FAM117A: variants seen among roughly 807,000 people sequenced by gnomAD.
The protein encoded by FAM117A is protein FAM117A.
Under a neutral mutation model 44.1 loss-of-function variants are expected in FAM117A, and 21 were observed. The observed-to-expected ratio is 0.48, with a 90% CI of 0.34 to 0.69. The LOEUF (loss-of-function observed/expected upper bound fraction) is 0.69, where lower values mean the gene tolerates loss of function less well. Among genes scored for constraint, FAM117A ranks in the 30% least tolerant of loss-of-function variants. FAM117A has a pLI of 0.01. For synonymous variants in FAM117A, 220 were observed against 238.3 expected, an observed-to-expected ratio of 0.92 and a Z score of 0.71; for missense variants, 498 against 589.9, an observed-to-expected ratio of 0.84 and a Z score of 1.61.
rs1485766220 is a variant in FAM117A, at chr17:49,772,198, T to C, written c.-621+16299A>G. 4.7e-5 allele frequency among the ~76,000 whole-genome samples: 7 copies of C among 149,578 alleles called. No homozygotes were observed. The South Asian group carries it at 1.3e-3, about 27-fold the overall frequency. ...GTCCCAGTTATTTGGGAGGCTGAGG[T>C]GGGAGGATTGCTTAACCCAGGAGAT... is the stretch of plus-strand genomic sequence containing the variant. On this transcript the variant is annotated intron_variant, in intron 1 of 7. Transcript: ENST00000513602.
chr17:49,763,836 GC>G, intron 1 of FAM117A, 55 bp downstream of exon 1: 4 of 215,806 alleles, frequency 1.9e-5, no homozygotes, highest in Non-Finnish European at 2.6e-5. Flanking sequence ...CCGCGGTCAC[GC>G]GCCCCCCCTC....
chr17:49,739,004 G>C (rs1364817700), intron 1 of FAM117A, among the ~76,000 whole-genome samples: 1 of 151,444 alleles, frequency 6.6e-6, no homozygotes, highest in Non-Finnish European at 1.5e-5. Context: ...CCCTTGAAGG[G>C]GCTGCAGGCT....
At chr17:49,766,692 G>A (rs1047923529), upstream of FAM117A, among the ~76,000 whole-genome samples, 4 of 152,228 alleles carry the variant, frequency 2.6e-5, no homozygotes, top group African/African-American at 9.6e-5. Flanking sequence ...TTTATTGGCT[G>A]AGCCAGACAA....
intron 3 of FAM117A, among the ~76,000 whole-genome samples, chr17:49,722,153 G>A (rs1311196540): frequency 6.6e-6 from 1 of 152,092 alleles, no homozygotes; most frequent in Non-Finnish European, 1.5e-5. Context: ...ATGAGGCTGG[G>A]AGCTCCTAAT....
At chr17:49,719,950 T>G (rs2073525740) in intron 4 of FAM117A, 56 bp from the exon 5 acceptor site, 1 of 1,558,154 alleles carries the variant, frequency 6.4e-7, no homozygotes, top group Non-Finnish European at 8.6e-7. Flanking sequence ...CTAGACAGTC[T>G]TTCATTCTGA....
chr17:49,733,703 A>C (rs1365790571), intron 1 of FAM117A, among the ~76,000 whole-genome samples: 2 of 152,048 alleles, frequency 1.3e-5, no homozygotes, highest in African/African-American at 2.4e-5. Context: ...AAATCCATTC[A>C]TTTATTTTTA....
intron 1 of FAM117A, among the ~76,000 whole-genome samples, chr17:49,783,350 G>T (rs764190935): frequency 3.8e-4 from 58 of 152,328 alleles, no homozygotes; most frequent in African/African-American, 1.3e-3. Flanking sequence ...TGGAGGAAGG[G>T]GGGGAGATGA....
chr17:49,748,628 T>A (rs1039077362), intron 1 of FAM117A, among the ~76,000 whole-genome samples: 9 of 151,986 alleles, frequency 5.9e-5, no homozygotes, highest in African/African-American at 2.2e-4. Context: ...TGAAAAAAAA[T>A]ATTTTGATGA....
At chr17:49,770,412 A>G (rs1385372630) in intron 1 of FAM117A, among the ~76,000 whole-genome samples, 1 of 152,196 alleles carries the variant, frequency 6.6e-6, no homozygotes, top group East Asian at 1.9e-4. Flanking sequence ...AGAACTACAT[A>G]TTATATGATT....
At chr17:49,727,923 C>T (rs185185012) in intron 2 of FAM117A, among the ~76,000 whole-genome samples, 19 of 152,328 alleles carry the variant, frequency 1.2e-4, no homozygotes, top group Non-Finnish European at 2.2e-4. Flanking sequence ...CTGGTGTGGA[C>T]CGTCAGGACC....
chr17:49,768,719 G>T (rs1038941081), upstream of FAM117A, among the ~76,000 whole-genome samples: 2 of 152,174 alleles, frequency 1.3e-5, no homozygotes, highest in African/African-American at 4.8e-5. Context: ...TATGGGAACA[G>T]AGTAGGGAGG....
chr17:49,757,824 A>G (rs2073704894), intron 1 of FAM117A, among the ~76,000 whole-genome samples: 1 of 152,164 alleles, frequency 6.6e-6, no homozygotes, highest in Non-Finnish European at 1.5e-5. Context: ...AAGGGGGGAA[A>G]CTGACCAGAT....
chr17:49,725,609 A>C (rs1159695564), intron 2 of FAM117A, among the ~76,000 whole-genome samples: 1 of 152,206 alleles, frequency 6.6e-6, no homozygotes, highest in Non-Finnish European at 1.5e-5. Context: ...ATCCAGACAG[A>C]GGGAACAGCC....
chr17:49,779,011 G>T (rs1355575502), intron 1 of FAM117A, among the ~76,000 whole-genome samples: 1 of 152,198 alleles, frequency 6.6e-6, no homozygotes, highest in African/African-American at 2.4e-5. Context: ...AGGCAAAGAA[G>T]AATATGGGGG....
chr17:49,722,645 G>T, intron 2 of FAM117A, 51 bp from the exon 3 acceptor site: 2 of 1,473,924 alleles, frequency 1.4e-6, no homozygotes, highest in South Asian at 1.2e-5. Context: ...GGCAGGCACT[G>T]GGGAACAGGC....
chr17:49,770,162 C>G (rs2073756660), intron 1 of FAM117A, among the ~76,000 whole-genome samples: 1 of 149,866 alleles, frequency 6.7e-6, no homozygotes, highest in South Asian at 2.1e-4. Context: ...CCCAATTACT[C>G]AGAAGGCTGA....
chr17:49,739,229 G>A (rs560815940), intron 1 of FAM117A, among the ~76,000 whole-genome samples: 2 of 152,306 alleles, frequency 1.3e-5, no homozygotes, highest in South Asian at 2.1e-4. Flanking sequence ...TGAAGGTGTA[G>A]GTGAAGGAGT....
intron 1 of FAM117A, among the ~76,000 whole-genome samples, chr17:49,758,363 C>T (rs1291122884): frequency 1.3e-5 from 2 of 149,982 alleles, no homozygotes; most frequent in South Asian, 2.1e-4. Context: ...CGGTGGCTCA[C>T]GCCTGTAATC....
intron 1 of FAM117A, among the ~76,000 whole-genome samples, chr17:49,748,256 T>G (rs2073661396): frequency 6.6e-6 from 1 of 152,182 alleles, no homozygotes; most frequent in South Asian, 2.1e-4. Flanking sequence ...GTACATTAAT[T>G]ACCAATAAGT....
Sources: allele counts gnomAD v4.1 joint callset (sites outside exome capture counted in the v4.1 genomes callset), GRCh38; gene constraint gnomAD v4.1.1; transcripts MANE v1.5; gene names NCBI Gene and HGNC (gene_info 2026-07-23, HGNC 2026-07-21).